The following LRBA variants were observed in gnomAD, a reference collection of about 807,000 sequenced individuals.
LRBA encodes the protein LPS responsive beige-like anchor protein.
A neutral mutation model predicts 330.0 loss-of-function variants in LRBA; 176 were observed. That is an observed-to-expected ratio of 0.53 (90% CI 0.47 to 0.60). LRBA has a LOEUF of 0.60. LRBA is among the 20% of genes least tolerant of loss of function. The pLI is 0.00. For synonymous variants in LRBA, 1,230 were observed against 1,193.0 expected (o/e 1.03, Z -0.64); for missense variants, 3,259 against 3,444.8 (o/e 0.95, Z 1.35).
At chr4:150,790,430 C>A (rs565806675) in intron 34 of LRBA, among the ~76,000 whole-genome samples, 1 of 152,078 alleles carries the variant, frequency 6.6e-6, no homozygotes, top group Non-Finnish European at 1.5e-5. Context: ...TTAATGCTCA[C>A]CAACCCATCA....
At chr4:150,605,550 T>A (rs1278985821) in intron 37 of LRBA, among the ~76,000 whole-genome samples, 1 of 152,194 alleles carries the variant, frequency 6.6e-6, no homozygotes, top group African/African-American at 2.4e-5. Flanking sequence ...TCTATTTCCA[T>A]ATTTTTAGAT....
At chr4:150,408,871 CT>C (rs1296277917) in intron 47 of LRBA, among the ~76,000 whole-genome samples, 1 of 151,790 alleles carries the variant, frequency 6.6e-6, no homozygotes, top group Admixed American at 6.6e-5. Flanking sequence ...ATAGTTTTAC[CT>C]TTATATATAA....
intron 35 of LRBA, among the ~76,000 whole-genome samples, chr4:150,747,678 T>TACATAGC (rs1732939103): frequency 6.6e-6 from 1 of 152,214 alleles, no homozygotes; most frequent in Non-Finnish European, 1.5e-5. Flanking sequence ...TTTGCAATAA[T>TACATAGC]ACATAGCACT....
intron 37 of LRBA, among the ~76,000 whole-genome samples, chr4:150,671,028 G>GTGTGTA (rs923199128): frequency 6.8e-6 from 1 of 147,730 alleles, no homozygotes; most frequent in Admixed American, 6.7e-5. Flanking sequence ...GTGTGTGTGT[G>GTGTGTA]TGTGTGTGTG....
chr4:150,561,621 A>T (rs1768352641), intron 40 of LRBA, among the ~76,000 whole-genome samples: 1 of 152,166 alleles, frequency 6.6e-6, no homozygotes, highest in Non-Finnish European at 1.5e-5. Flanking sequence ...CATGGAAAAC[A>T]TCTAGAAGTT....
At chr4:150,781,054 T>A (rs564626790) in intron 34 of LRBA, among the ~76,000 whole-genome samples, 1 of 151,990 alleles carries the variant, frequency 6.6e-6, no homozygotes. Context: ...TAATTTTTTG[T>A]ATTTTTAGTA....
At chr4:150,892,047 A>C (rs1729527293) in intron 17 of LRBA, among the ~76,000 whole-genome samples, 1 of 152,172 alleles carries the variant, frequency 6.6e-6, no homozygotes, top group African/African-American at 2.4e-5. Flanking sequence ...ACCCGTGATC[A>C]TACCACTGCA....
chr4:150,624,146 A>C (rs945350344), intron 37 of LRBA, among the ~76,000 whole-genome samples: 10 of 152,146 alleles, frequency 6.6e-5, no homozygotes, highest in African/African-American at 2.4e-4. Flanking sequence ...TTGTTTTGTG[A>C]CAACTATGAA....
chr4:150,662,268 T>C (rs920333825), intron 37 of LRBA, among the ~76,000 whole-genome samples: 1 of 152,204 alleles, frequency 6.6e-6, no homozygotes, highest in Non-Finnish European at 1.5e-5. Flanking sequence ...GTTCAGAATT[T>C]TGTATTGATA....
intron 40 of LRBA, among the ~76,000 whole-genome samples, chr4:150,531,537 A>G (rs1299806613): frequency 6.6e-6 from 1 of 152,164 alleles, no homozygotes; most frequent in Non-Finnish European, 1.5e-5. Context: ...ACTAGACTAT[A>G]AGCTCAACAA....
intron 53 of LRBA, among the ~76,000 whole-genome samples, chr4:150,296,447 A>G: frequency 6.6e-6 from 1 of 152,240 alleles, no homozygotes; most frequent in East Asian, 1.9e-4. Context: ...AAACACATTC[A>G]TTTTCTCACT....
At chr4:151,013,222 T>G in intron 2 of LRBA, 1 of 152,270 alleles carries the variant, frequency 6.6e-6, no homozygotes, top group East Asian at 1.9e-4. Context: ...GTTATTACAA[T>G]TAACTGCATG....
chr4:150,922,394 G>GTGTATA (rs1554000209), intron 4 of LRBA, among the ~76,000 whole-genome samples: 11 of 139,734 alleles, frequency 7.9e-5, no homozygotes, highest in Non-Finnish European at 9.3e-5. Flanking sequence ...AGAAACTGTG[G>GTGTATA]TATATATATA....
chr4:150,967,846 GTGGT>G (rs1264871496), intron 2 of LRBA, among the ~76,000 whole-genome samples: 1 of 152,066 alleles, frequency 6.6e-6, no homozygotes, highest in Non-Finnish European at 1.5e-5. Context: ...CTTAATAAAT[GTGGT>G]ATGTGTTCTA....
intron 51 of LRBA, among the ~76,000 whole-genome samples, chr4:150,313,683 T>C (rs892278998): frequency 1.3e-5 from 2 of 151,958 alleles, no homozygotes; most frequent in Non-Finnish European, 2.9e-5. Flanking sequence ...TAAGAACAGC[T>C]TGAGTTTCCC....
intron 37 of LRBA, among the ~76,000 whole-genome samples, chr4:150,611,324 C>T (rs1373272487): frequency 6.6e-6 from 1 of 152,168 alleles, no homozygotes. Flanking sequence ...ACCTATTTAA[C>T]AGTTGAAGAA....
At chr4:150,601,650 A>G (rs564783721) in intron 37 of LRBA, among the ~76,000 whole-genome samples, 18 of 152,204 alleles carry the variant, frequency 1.2e-4, no homozygotes, top group African/African-American at 3.9e-4. Flanking sequence ...CTAACTATAT[A>G]TATATATGCA....
intron 37 of LRBA, among the ~76,000 whole-genome samples, chr4:150,622,014 G>A (rs966896347): frequency 6.6e-6 from 1 of 152,132 alleles, no homozygotes; most frequent in African/African-American, 2.4e-5. Context: ...AAGAAGTAAG[G>A]GTAAATTAAA....
At chr4:150,795,587 A>T (rs1054040006) in intron 34 of LRBA, among the ~76,000 whole-genome samples, 9 of 152,040 alleles carry the variant, frequency 5.9e-5, no homozygotes, top group Non-Finnish European at 1.2e-4. Context: ...GCTGAGTATT[A>T]TGAGAGGTTT....
Sources: gnomAD v4.1 joint callset for allele counts (sites outside exome capture counted in the v4.1 genomes callset) on GRCh38, gnomAD v4.1.1 for gene constraint, MANE v1.5 for transcripts, NCBI Gene and HGNC (gene_info 2026-07-23, HGNC 2026-07-21) for gene names.